Variants in TRDMT1 observed in about 807,000 individuals in gnomAD.
TRDMT1 encodes tRNA (cytosine(38)-C(5))-methyltransferase.
TRDMT1 carries 49 observed loss-of-function variants against 51.2 expected under a neutral mutation model. The observed-to-expected ratio is 0.96, with a 90% CI of 0.76 to 1.21. The LOEUF is 1.21. Ranked by LOEUF, TRDMT1 falls within the 50% of genes most tolerant of loss-of-function variation. TRDMT1 has a pLI of 0.00. For synonymous variants in TRDMT1, 187 were observed against 164.6 expected (o/e 1.14, Z -1.04); for missense variants, 534 against 462.3 (o/e 1.16, Z -1.42).
intron 1 of TRDMT1, among the ~76,000 whole-genome samples, chr10:17,177,808 T>C (rs1051873469): frequency 6.6e-6 from 1 of 151,940 alleles, no homozygotes; most frequent in Non-Finnish European, 1.5e-5. Context: ...GGAAACGCTG[T>C]AGGGAAGAAC....
chr10:17,170,015 TATG>T (rs1372817586), intron 2 of TRDMT1, among the ~76,000 whole-genome samples: 1 of 152,156 alleles, frequency 6.6e-6, no homozygotes, highest in Non-Finnish European at 1.5e-5. Context: ...ACAGGGCCAT[TATG>T]ATAAGCAACT....
rs1837675913 is a variant in TRDMT1 at position 17,141,399 on chromosome 10, A to T, written c.*7641T>A. 6.6e-6 allele frequency among the ~76,000 whole-genome samples: 1 copy of T among 152,008 alleles called. No individual in the cohort carries two copies. Among genetic ancestry groups the T allele is most frequent in the African/African-American group, 2.4e-5 (1 of 41,352 alleles). On this transcript the variant is annotated 3_prime_UTR_variant, in exon 11 of 11. Transcript: ENST00000377799. ...ATGGTCTCTATCTCCTGACCTTATG[A>T]TCTGCCCCCCTTCGCCTCCTAAAGT...
At chr10:17,162,022 T>C (rs1335092119) in intron 4 of TRDMT1, 144 bp downstream of exon 4, 6 of 737,154 alleles carry the variant, frequency 8.1e-6, no homozygotes, top group Middle Eastern at 2.4e-4. Context: ...CTATTAGTCA[T>C]GGTAGGAGAA....
Position 17,143,203 on chromosome 10 carries a change from T to C in TRDMT1, c.*5837A>G. 1.0e-6 allele frequency: 1 copy of C among 985,466 alleles called. No individual in the cohort carries two copies. The highest frequency in any genetic ancestry group is 1.2e-6 in the Non-Finnish European group (1 of 829,950). 61.0% of individuals were successfully genotyped at this position (985,466 alleles called of 1,614,324 possible). A position where few individuals can be genotyped will look rare whatever the true frequency, so the allele number is the denominator to read the frequency against. On this transcript the variant is annotated 3_prime_UTR_variant, in exon 11 of 11. Transcript: ENST00000377799. Reference sequence around the variant, plus strand: ...TGGTGCTTTCTATGTAGCTTCAATATTGATTCCAGTATGGTTCCTACATTC... The same window carrying C: ...TGGTGCTTTCTATGTAGCTTCAATACTGATTCCAGTATGGTTCCTACATTC...
At chr10:17,149,860 C>T (rs367820117) in intron 10 of TRDMT1, among the ~76,000 whole-genome samples, 6 of 152,098 alleles carry the variant, frequency 3.9e-5, no homozygotes, top group Non-Finnish European at 7.4e-5. Context: ...GGATTTATCA[C>T]ATTTTATTTT....
chr10:17,184,645 C>T (rs1177017759), intron 1 of TRDMT1, among the ~76,000 whole-genome samples: 2 of 152,040 alleles, frequency 1.3e-5, no homozygotes, highest in Non-Finnish European at 2.9e-5. Flanking sequence ...GCTACAGATA[C>T]CTCTAAAAGG....
rs1235230716 is a variant in TRDMT1 at position 17,142,551 on chromosome 10, G to A, written c.*6489C>T. 6.6e-6 allele frequency: 1 copy of A among 152,118 alleles called. No homozygotes were observed. The highest frequency in any genetic ancestry group is 1.9e-4 in the East Asian group (1 of 5,196). The allele number at this position is 152,118 out of a possible 1,614,324, so 9.4% of individuals were successfully genotyped here. On this transcript the variant is annotated 3_prime_UTR_variant, in exon 11 of 11. Coordinates refer to ENST00000377799, the MANE Select transcript of TRDMT1 (RefSeq NM_004412.7). The stretch of plus-strand genomic sequence containing the variant: ...CTGGGTTAGATGCTTTTTGCCAGAG[G>A]CCCCTGGATGCTCATCTCTCAGCAC...
rs1179396119 is a variant in TRDMT1, at chr10:17,144,392, GAA to G, written c.*4646_*4647del. The G allele has an allele frequency of 1.7e-5, 17 of 985,440 alleles. No homozygotes were observed. The highest frequency in any genetic ancestry group is 1.9e-5 in the Non-Finnish European group (16 of 829,898). 61.0% of individuals were successfully genotyped at this position (985,440 alleles called of 1,614,324 possible). A position where few individuals can be genotyped will look rare whatever the true frequency, so the allele number is the denominator to read the frequency against. On this transcript the variant is annotated 3_prime_UTR_variant, in exon 11 of 11. Coordinates refer to ENST00000377799, the MANE Select transcript of TRDMT1 (RefSeq NM_004412.7). ...AATGAAAAAACCCTAGGCTTATTCAGAAAAGAGTTCTATGGGAGAACTCAGTT... is the reference window on the plus strand; with the variant it reads ...AATGAAAAAACCCTAGGCTTATTCAGAAGAGTTCTATGGGAGAACTCAGTT...
At position 17,168,922 on chromosome 10, in the gene TRDMT1, G is replaced by A. The variant is rs1443665887; in HGVS notation, c.175-5C>T. On this transcript the variant is annotated splice_polypyrimidine_tract_variant and splice_region_variant and intron_variant, in intron 2 of 10. Coordinates refer to ENST00000377799, the MANE Select transcript of TRDMT1 (RefSeq NM_004412.7). Reference sequence around the variant, plus strand: ...AAACTCTTCGAGTGTAATGCCCTGAGGAATGAACATTTAGGGGGAAAAAAG... The same window carrying A: ...AAACTCTTCGAGTGTAATGCCCTGAAGAATGAACATTTAGGGGGAAAAAAG... The A allele has an allele frequency of 6.3e-6, 10 of 1,597,122 alleles. No homozygotes were observed. The highest frequency in any genetic ancestry group is 6.8e-6 in the Non-Finnish European group (8 of 1,169,992).
chr10:17,195,153 A>G (rs1845235748), intron 1 of TRDMT1, among the ~76,000 whole-genome samples: 1 of 152,210 alleles, frequency 6.6e-6, no homozygotes, highest in African/African-American at 2.4e-5. Flanking sequence ...TTCTACCAAA[A>G]AGACACATAT....
intron 1 of TRDMT1, among the ~76,000 whole-genome samples, chr10:17,177,500 C>T (rs1842759495): frequency 6.6e-6 from 1 of 152,170 alleles, no homozygotes; most frequent in Non-Finnish European, 1.5e-5. Context: ...CCACGCTTGG[C>T]TGAAAAACAC....
chr10:17,201,601 C>T lies in TRDMT1; in HGVS notation c.34G>A (p.Gly12Ser), dbSNP rs1007026202. 3 of 1,548,490 alleles carry T rather than the reference C, an allele frequency of 1.9e-6. No individual in the cohort carries two copies. In the African/African-American group the frequency reaches 4.1e-5, roughly 21 times the overall value. The change falls in exon 1 of 11, where the codon GGC becomes AGC. Residue 12 changes from glycine (G) to serine (S), a missense_variant. Coordinates refer to ENST00000377799, the MANE Select transcript of TRDMT1 (RefSeq NM_004412.7). ...AGCGCGTGGTGCATGCCGCCCACGCCGCTGTATAGCTCCAGCACCCGCAGG... is the reference window on the plus strand; with the variant it reads ...AGCGCGTGGTGCATGCCGCCCACGCTGCTGTATAGCTCCAGCACCCGCAGG... ...EPLRVLELYS[G>S]VGGMHHALRE... is the part of the protein sequence containing the mutation.
At position 17,161,500 on chromosome 10, in the gene TRDMT1, A is replaced by C. The variant is rs747161675; in HGVS notation, c.372T>G (p.Phe124Leu). Residue 124 changes from phenylalanine (F) to leucine (L), a missense_variant, in exon 5 of 11, where the codon TTT becomes TTG. Physicochemically the swap from Phe to Leu is conservative, Grantham distance 22. Transcript: ENST00000377799. ...TTTTTTACCTTGTAGAAGATACTTC[A>C]AAACCTTTAACATTTTCCAAAAGAA... is the stretch of plus-strand genomic sequence containing the variant. ...KYILLENVKG[F>L]EVSSTRDLLI... 2 of 1,367,050 alleles carry C rather than the reference A, an allele frequency of 1.5e-6. No individual in the cohort carries two copies. The highest frequency in any genetic ancestry group is 2.0e-6 in the Non-Finnish European group (2 of 1,011,310). 84.7% of individuals were successfully genotyped at this position (1,367,050 alleles called of 1,614,324 possible). A position where few individuals can be genotyped will look rare whatever the true frequency, so the allele number is the denominator to read the frequency against.
At chr10:17,163,974 T>C (rs1445208893) in intron 3 of TRDMT1, among the ~76,000 whole-genome samples, 1 of 152,144 alleles carries the variant, frequency 6.6e-6, no homozygotes, top group African/African-American at 2.4e-5. Context: ...TCTGAAACTA[T>C]TCCAATCAAT....
In TRDMT1 at chr10:17,181,396, T is replaced by C. The variant is rs532569018; in HGVS notation, c.65-6736A>G. On this transcript the variant is annotated intron_variant, in intron 1 of 10. Transcript: ENST00000377799. ...GCTCCCTCACTAGACTACTCAATCA[T>C]CTCAGTGCTGACACCATGTCTCATT... Among the ~76,000 whole-genome samples, 14 of 152,250 alleles carry C rather than the reference T, an allele frequency of 9.2e-5. No homozygotes were observed. In the South Asian group the frequency reaches 2.1e-3, roughly 23 times the overall value.
intron 1 of TRDMT1, 57 bp from the exon 2 acceptor site, chr10:17,174,717 G>T (rs1184298355): frequency 5.4e-6 from 7 of 1,289,638 alleles, no homozygotes; most frequent in Non-Finnish European, 7.8e-6. Flanking sequence ...ATTATAGAAA[G>T]AAATCAAAAT....
rs779216179 is a variant in TRDMT1 at position 17,148,155 on chromosome 10, TAA to T, written c.*883_*884del. 7.1e-6 allele frequency: 7 copies of T among 985,356 alleles called. No homozygotes were observed. The highest frequency in any genetic ancestry group is 8.4e-6 in the Non-Finnish European group (7 of 829,930). 61.0% of individuals were successfully genotyped at this position (985,356 alleles called of 1,614,324 possible). A position where few individuals can be genotyped will look rare whatever the true frequency, so the allele number is the denominator to read the frequency against. On this transcript the variant is annotated 3_prime_UTR_variant, in exon 11 of 11. Transcript: ENST00000377799. ...GCTGAGGAAGAGAGACAGAGAAAGT[TAA>T]AAGTCATAAAAGTTCATTGAGAGTG... is the stretch of plus-strand genomic sequence containing the variant.
rs113639274 is a variant in TRDMT1, at chr10:17,161,053, G to A, written c.389+430C>T. ...CAGACAGCAGCTGACTCAAGGACTC[G>A]GGTGGATGCTTTCTCTCCAGCTGAG... On this transcript the variant is annotated intron_variant, in intron 5 of 10. Coordinates refer to ENST00000377799, the MANE Select transcript of TRDMT1 (RefSeq NM_004412.7). Among the ~76,000 whole-genome samples, 474 of 152,226 alleles carry A rather than the reference G, an allele frequency of 3.1e-3. 4 individuals are homozygous for A. The highest frequency in any genetic ancestry group is 0.02 in the Middle Eastern group (6 of 294).
chr10:17,186,251 C>T (rs1203601531), intron 1 of TRDMT1, among the ~76,000 whole-genome samples: 6 of 152,110 alleles, frequency 3.9e-5, no homozygotes, highest in Admixed American at 2.6e-4. Context: ...AAGATATCCA[C>T]ATCTTAATCC....
Sources: gnomAD v4.1 joint callset for allele counts (sites outside exome capture counted in the v4.1 genomes callset) on GRCh38, gnomAD v4.1.1 for gene constraint, MANE v1.5 for transcripts, NCBI Gene and HGNC (gene_info 2026-07-23, HGNC 2026-07-21) for gene names.